Variants in XIRP2 observed in about 807,000 individuals in gnomAD.
XIRP2 encodes xin actin-binding repeat-containing protein 2.
A neutral mutation model predicts 277.0 loss-of-function variants in XIRP2; 236 were observed. That is an observed-to-expected ratio of 0.85 (90% CI 0.77 to 0.95). The LOEUF (loss-of-function observed/expected upper bound fraction) is 0.95, where lower values mean the gene tolerates loss of function less well. Among genes scored for constraint, XIRP2 ranks in the 40% least tolerant of loss-of-function variants. The pLI is 0.00. For synonymous variants in XIRP2, 1,490 were observed against 1,416.5 expected (o/e 1.05, Z -1.17); for missense variants, 4,640 against 4,157.5 (o/e 1.12, Z -3.19).
At position 167,250,481 on chromosome 2, in the gene XIRP2, T is replaced by C. The variant is rs748516497; in HGVS notation, c.9089T>C (p.Ile3030Thr). 6.2e-7 allele frequency: 1 copy of C among 1,613,342 alleles called. No individual in the cohort carries two copies. Among genetic ancestry groups the C allele is most frequent in the Non-Finnish European group, 8.5e-7 (1 of 1,179,650 alleles). Residue 3030 changes from isoleucine to threonine, a missense_variant, in exon 9 of 11, where the codon ATT (isoleucine) becomes ACT (threonine). Coordinates refer to ENST00000409195, the MANE Select transcript of XIRP2 (RefSeq NM_152381.6). ...ATGCTTGTGTCCTATGAAAATATAA[T>C]TCAGACAGCCATGATGTCCTCCAAA... The part of the protein sequence containing the change: ...EDMLVSYENI[I>T]QTAMMSSKTG...
At chr2:167,195,677 A>G (rs1693481154) in intron 3 of XIRP2, among the ~76,000 whole-genome samples, 1 of 152,200 alleles carries the variant, frequency 6.6e-6, no homozygotes, top group Non-Finnish European at 1.5e-5. Flanking sequence ...CAATAGTTGA[A>G]GAGGAAGCAA....
chr2:166,988,648 C>A, intron 2 of XIRP2, among the ~76,000 whole-genome samples: 2 of 120,832 alleles, frequency 1.7e-5, no homozygotes, highest in Non-Finnish European at 3.4e-5. Flanking sequence ...CATTGCCTCA[C>A]CTGGGAAGCG....
At chr2:167,146,818 G>A (rs954568879) in intron 3 of XIRP2, among the ~76,000 whole-genome samples, 8 of 152,004 alleles carry the variant, frequency 5.3e-5, no homozygotes, top group African/African-American at 7.2e-5. Flanking sequence ...GTAGACAAAA[G>A]ATAGTGAAAG....
chr2:167,188,757 C>T (rs1693238363), intron 3 of XIRP2, among the ~76,000 whole-genome samples: 1 of 152,222 alleles, frequency 6.6e-6, no homozygotes, highest in South Asian at 2.1e-4. Context: ...TTTCAGATGC[C>T]TGCACTATGG....
chr2:166,912,552 A>T (rs1350680393), intron 2 of XIRP2, among the ~76,000 whole-genome samples: 2 of 152,108 alleles, frequency 1.3e-5, no homozygotes, highest in South Asian at 4.2e-4. Context: ...AATGGGTTTG[A>T]ACTTCCTCCT....
chr2:167,246,712 C>A lies in XIRP2; in HGVS notation c.5320C>A (p.Gln1774Lys), dbSNP rs548350393. The change falls in exon 9 of 11, where the codon CAA becomes AAA. Residue 1774 changes from glutamine to lysine, a missense_variant. Transcript: ENST00000409195. Reference protein sequence around the residue: ...ESNETLTAKKQEGEKEIIGGD... With the variant: ...ESNETLTAKKKEGEKEIIGGD... ...AAATGAAACACTGACAGCTAAGAAA[C>A]AAGAAGGAGAGAAAGAAATCATTGG... 12 of 1,613,568 alleles carry A rather than the reference C, an allele frequency of 7.4e-6. No homozygotes were observed. The East Asian group carries it at 1.3e-4, about 18-fold the overall frequency.
At chr2:166,942,658 A>G (rs1685751905) in intron 2 of XIRP2, among the ~76,000 whole-genome samples, 1 of 152,208 alleles carries the variant, frequency 6.6e-6, no homozygotes, top group East Asian at 1.9e-4. Flanking sequence ...GTACTGATAA[A>G]CAATTACCAA....
Position 167,247,597 on chromosome 2 carries a change from A to G in XIRP2, c.6205A>G (p.Thr2069Ala), listed in dbSNP as rs1022412272. The change falls in exon 9 of 11, where the codon ACA becomes GCA. Residue 2069 changes from threonine (T) to alanine (A), a missense_variant. Thr to Ala is a moderately conservative substitution (Grantham distance 58, BLOSUM62 0). Transcript: ENST00000409195. Reference protein sequence around the residue: ...GDKTGVWTDTTGEQHLRDEYM... With the variant: ...GDKTGVWTDTAGEQHLRDEYM... ...CAAAACGGGTGTCTGGACTGATACTACAGGAGAACAGCATCTTAGAGATGA... is the reference window on the plus strand; with the variant it reads ...CAAAACGGGTGTCTGGACTGATACTGCAGGAGAACAGCATCTTAGAGATGA... 6 of 1,613,602 alleles carry G rather than the reference A, an allele frequency of 3.7e-6. No homozygotes were observed. The African/African-American group carries it at 5.3e-5, about 14-fold the overall frequency.
intron 5 of XIRP2, among the ~76,000 whole-genome samples, chr2:167,219,637 T>C (rs1246098709): frequency 6.6e-6 from 1 of 152,226 alleles, no homozygotes. Context: ...TGTTTAACAC[T>C]CTTCTGTCTC....
At position 167,247,492 on chromosome 2, in the gene XIRP2, CA is replaced by C. The variant is rs1695314778; in HGVS notation, c.6104del (p.Asn2035ThrfsTer45). 6.2e-7 allele frequency: 1 copy of C among 1,613,568 alleles called. No homozygotes were observed. Among genetic ancestry groups the C allele is most frequent in the Non-Finnish European group, 8.5e-7 (1 of 1,179,764 alleles). The stretch of plus-strand genomic sequence containing the variant: ...TGTAAAGATTGTCATAGATCGTGAA[CA>C]AAACAATGATGCTCTGGAGAAAAGC... ...GTVKIVIDRE[Q>X]NNDALEKSLR... On this transcript the variant is annotated frameshift_variant, in exon 9 of 11. Transcript: ENST00000409195. LOFTEE classifies it high-confidence loss of function.
chr2:166,958,956 C>T (rs1280210597), intron 2 of XIRP2, among the ~76,000 whole-genome samples: 1 of 151,738 alleles, frequency 6.6e-6, no homozygotes, highest in African/African-American at 2.4e-5. Flanking sequence ...GCCAGGAAAA[C>T]TCTAGCACAG....
chr2:167,076,049 C>T (rs985857721), intron 2 of XIRP2, among the ~76,000 whole-genome samples: 2 of 151,934 alleles, frequency 1.3e-5, no homozygotes, highest in African/African-American at 2.4e-5. Context: ...GAGTTTTCTT[C>T]AGAGGAAAAT....
chr2:166,926,686 C>T (rs566657145), intron 2 of XIRP2, among the ~76,000 whole-genome samples: 3 of 152,128 alleles, frequency 2.0e-5, no homozygotes, highest in African/African-American at 4.8e-5. Flanking sequence ...AGAATTGTTC[C>T]CTGACATGAG....
rs374788925 is a variant in XIRP2, at chr2:167,245,757, A to C, written c.4365A>C (p.Leu1455=). The change falls in exon 9 of 11, where the codon CTA becomes CTC. Residue 1455 remains leucine (L), a synonymous_variant. Transcript: ENST00000409195. ...GCAATGTTAAAACATCTACTTGGCTATTTGAAACCCACACTATGGATGAAC... is the reference window on the plus strand; with the variant it reads ...GCAATGTTAAAACATCTACTTGGCTCTTTGAAACCCACACTATGGATGAAC... ...QKGNVKTSTW[L]FETHTMDELR... 10 of 1,613,808 alleles carry C rather than the reference A, an allele frequency of 6.2e-6. No homozygotes were observed. Among genetic ancestry groups the C allele is most frequent in the Non-Finnish European group, 7.6e-6 (9 of 1,179,788 alleles).
At chr2:167,003,369 A>G (rs1217921333) in intron 2 of XIRP2, among the ~76,000 whole-genome samples, 1 of 151,964 alleles carries the variant, frequency 6.6e-6, no homozygotes, top group Non-Finnish European at 1.5e-5. Context: ...CAAAGGGAAT[A>G]CTGGGAAGAA....
At chr2:166,933,753 C>A (rs890258178) in intron 2 of XIRP2, among the ~76,000 whole-genome samples, 7 of 151,922 alleles carry the variant, frequency 4.6e-5, no homozygotes, top group Non-Finnish European at 1.0e-4. Flanking sequence ...AGGAAGTTAA[C>A]CAGATTTTAC....
Position 167,131,060 on chromosome 2 carries a change from A to G in XIRP2, c.409-4849A>G, listed in dbSNP as rs571894976. Among the ~76,000 whole-genome samples, 45 of 152,032 alleles carry G rather than the reference A, an allele frequency of 3.0e-4. 1 individual carries two copies. The highest frequency in any genetic ancestry group is 6.2e-4 in the Non-Finnish European group (42 of 67,990). Reference sequence around the variant, plus strand: ...TTCTTCATTCTCTTCAGATACCCCTATGTTCATTAGACTTTGCATCATAAC... The same window carrying G: ...TTCTTCATTCTCTTCAGATACCCCTGTGTTCATTAGACTTTGCATCATAAC... On this transcript the variant is annotated intron_variant, in intron 2 of 10. Coordinates refer to ENST00000409195, the MANE Select transcript of XIRP2 (RefSeq NM_152381.6).
In XIRP2 at chr2:167,247,709, A is replaced by G; in HGVS notation, c.6317A>G (p.Lys2106Arg). 6.2e-7 allele frequency: 1 copy of G among 1,613,688 alleles called. No homozygotes were observed. The highest frequency in any genetic ancestry group is 1.1e-5 in the South Asian group (1 of 91,084). Residue 2106 changes from lysine to arginine, a missense_variant, in exon 9 of 11, where the codon AAG (lysine) becomes AGG (arginine). Lys to Arg is a conservative substitution (Grantham distance 26). Coordinates refer to ENST00000409195, the MANE Select transcript of XIRP2 (RefSeq NM_152381.6). ...KESDRAVREL[K>R]KDDVFNSIQS... is the part of the protein sequence containing the mutation. ...TCAGACAGGGCAGTGAGAGAGCTGAAGAAGGATGATGTCTTTAATTCCATC... is the reference window on the plus strand; with the variant it reads ...TCAGACAGGGCAGTGAGAGAGCTGAGGAAGGATGATGTCTTTAATTCCATC...
rs183330103 is a variant in XIRP2 at position 167,063,485 on chromosome 2, T to C, written c.409-72424T>C. 8.7e-4 allele frequency among the ~76,000 whole-genome samples: 133 copies of C among 152,110 alleles called. 3 individuals are homozygous for C. In the East Asian group the frequency reaches 0.018, roughly 20 times the overall value. Reference sequence around the variant, plus strand: ...GTTTTCTTTGTACTTATTCTATCAATTAATGAGAAGTGTTGAAATTCCCAG... The same window carrying C: ...GTTTTCTTTGTACTTATTCTATCAACTAATGAGAAGTGTTGAAATTCCCAG... On this transcript the variant is annotated intron_variant, in intron 2 of 10. Coordinates refer to ENST00000409195, the MANE Select transcript of XIRP2 (RefSeq NM_152381.6).
Sources: allele counts gnomAD v4.1 joint callset (sites outside exome capture counted in the v4.1 genomes callset), GRCh38; gene constraint gnomAD v4.1.1; transcripts MANE v1.5; gene names NCBI Gene and HGNC (gene_info 2026-07-23, HGNC 2026-07-21).